The following PTPRM variants were observed in gnomAD, a reference collection of about 807,000 sequenced individuals.
The protein encoded by PTPRM is protein tyrosine phosphatase receptor type M.
In PTPRM, 47 loss-of-function variants were observed where a neutral mutation model predicts 186.7. The observed-to-expected ratio is 0.25, with a 90% CI of 0.20 to 0.32. The LOEUF (loss-of-function observed/expected upper bound fraction) is 0.32. PTPRM is among the 10% of genes least tolerant of loss of function. The pLI is 1.00. For missense variants in PTPRM, 1,494 were observed against 1,865.0 expected (o/e 0.80, Z 3.66); for synonymous variants, 668 against 674.9 (o/e 0.99, Z 0.16).
At chr18:8,247,951 T>C in intron 16 of PTPRM, 32 bp downstream of exon 16, 1 of 1,513,884 alleles carries the variant, frequency 6.6e-7, no homozygotes, top group Non-Finnish European at 9.2e-7. Context: ...TCCTCTCTGC[T>C]CTCTCCTCAG....
chr18:8,108,366 C>G (rs1350242709), intron 11 of PTPRM, among the ~76,000 whole-genome samples: 2 of 152,074 alleles, frequency 1.3e-5, no homozygotes, highest in Non-Finnish European at 2.9e-5. Context: ...AACTTTTCTC[C>G]TTCTCTGTTC....
At chr18:7,628,515 T>C (rs1164800213) in intron 1 of PTPRM, among the ~76,000 whole-genome samples, 2 of 152,254 alleles carry the variant, frequency 1.3e-5, no homozygotes, top group Non-Finnish European at 1.5e-5. Context: ...GAATTAGATA[T>C]TTAAAAGATC....
chr18:8,146,050 G>T (rs569648364), intron 14 of PTPRM, among the ~76,000 whole-genome samples: 23 of 138,542 alleles, frequency 1.7e-4, no homozygotes, highest in Admixed American at 4.4e-4. Flanking sequence ...TTTTGAGATG[G>T]AGTTGTTTGC....
Position 8,223,116 on chromosome 18 carries a change from C to T in PTPRM, c.2301-20942C>T, listed in dbSNP as rs889590858. Among the ~76,000 whole-genome samples the T allele has an allele frequency of 3.3e-5, 5 of 152,020 alleles. No individual in the cohort carries two copies. In the East Asian group the frequency reaches 5.8e-4, roughly 18 times the overall value. ...GCACATGCCTGTAGTCTCAGCTACT[C>T]GAGAGGCTTAGGCAGGATAATTGCT... On this transcript the variant is annotated intron_variant, in intron 14 of 32. Transcript: ENST00000580170.
intron 29 of PTPRM, among the ~76,000 whole-genome samples, chr18:8,382,504 C>G (rs2095743329): frequency 6.6e-6 from 1 of 152,144 alleles, no homozygotes; most frequent in African/African-American, 2.4e-5. Flanking sequence ...AGAACATAAA[C>G]ATCACATGCT....
chr18:7,664,470 C>G (rs927940729), intron 1 of PTPRM, among the ~76,000 whole-genome samples: 1 of 152,332 alleles, frequency 6.6e-6, no homozygotes, highest in East Asian at 1.9e-4. Context: ...ATCCACGGCC[C>G]TAAGCTGGAG....
At chr18:7,878,040 T>C (rs1041893861) in intron 2 of PTPRM, among the ~76,000 whole-genome samples, 1 of 152,192 alleles carries the variant, frequency 6.6e-6, no homozygotes, top group Non-Finnish European at 1.5e-5. Context: ...AAGCATATAG[T>C]GTTGAAATGT....
chr18:8,238,700 G>T (rs1211387660), intron 14 of PTPRM, among the ~76,000 whole-genome samples: 4 of 117,938 alleles, frequency 3.4e-5, no homozygotes, highest in African/African-American at 1.3e-4. Flanking sequence ...GCTACACATG[G>T]TGTATTGAGT....
At chr18:8,186,154 C>T (rs1290147895) in intron 14 of PTPRM, among the ~76,000 whole-genome samples, 2 of 151,772 alleles carry the variant, frequency 1.3e-5, no homozygotes, top group South Asian at 2.1e-4. Context: ...GGTGAAACCC[C>T]GTCTCTAATA....
intron 8 of PTPRM, 51 bp from the exon 9 acceptor site, chr18:8,076,404 C>G: frequency 8.8e-7 from 1 of 1,132,188 alleles, no homozygotes; most frequent in Non-Finnish European, 1.3e-6. Context: ...GAAAAATCTA[C>G]TTTTTAATTG....
At chr18:8,288,360 G>C (rs2094981456) in intron 19 of PTPRM, among the ~76,000 whole-genome samples, 1 of 152,206 alleles carries the variant, frequency 6.6e-6, no homozygotes, top group South Asian at 2.1e-4. Context: ...CCAGATAAGG[G>C]GGAGCCCCAG....
chr18:8,032,388 T>C (rs2086038275), intron 7 of PTPRM, among the ~76,000 whole-genome samples: 1 of 152,184 alleles, frequency 6.6e-6, no homozygotes, highest in Admixed American at 6.5e-5. Context: ...CCACTGCTAT[T>C]CCTAGCTTTC....
chr18:7,772,664 G>A (rs972194307), intron 1 of PTPRM, among the ~76,000 whole-genome samples: 5 of 152,026 alleles, frequency 3.3e-5, no homozygotes, highest in Non-Finnish European at 7.3e-5. Context: ...GGCTGGCTGG[G>A]AAGTTGTACA....
intron 17 of PTPRM, among the ~76,000 whole-genome samples, chr18:8,248,664 C>A (rs572224860): frequency 3.0e-4 from 45 of 152,304 alleles, no homozygotes; most frequent in African/African-American, 1.0e-3. Context: ...AAAATGATCA[C>A]AATGGACTTC....
chr18:8,337,375 T>C (rs1173589661), intron 22 of PTPRM, among the ~76,000 whole-genome samples: 1 of 152,154 alleles, frequency 6.6e-6, no homozygotes, highest in South Asian at 2.1e-4. Flanking sequence ...GGGCTGTTCT[T>C]ATCTTATCTC....
intron 14 of PTPRM, among the ~76,000 whole-genome samples, chr18:8,215,650 C>T (rs567969173): frequency 4.4e-4 from 66 of 150,626 alleles, no homozygotes; most frequent in African/African-American, 9.3e-4. Flanking sequence ...TCAAGTGATC[C>T]TCTCATCTCA....
intron 23 of PTPRM, among the ~76,000 whole-genome samples, chr18:8,352,966 G>A (rs556538233): frequency 5.8e-4 from 88 of 152,120 alleles, no homozygotes; most frequent in Admixed American, 2.3e-3. Flanking sequence ...CACCCCACCC[G>A]GCCCGATTTC....
At chr18:7,802,754 C>T (rs558910227) in intron 2 of PTPRM, among the ~76,000 whole-genome samples, 1 of 152,258 alleles carries the variant, frequency 6.6e-6, no homozygotes, top group African/African-American at 2.4e-5. Context: ...GAAAGTATGA[C>T]ATCTTTTTAT....
At chr18:8,016,744 C>T (rs942502204) in intron 7 of PTPRM, among the ~76,000 whole-genome samples, 1 of 152,080 alleles carries the variant, frequency 6.6e-6, no homozygotes. Flanking sequence ...AGATCATTAA[C>T]ATTGCTGTTG....
Sources: allele counts gnomAD v4.1 joint callset (sites outside exome capture counted in the v4.1 genomes callset), GRCh38; gene constraint gnomAD v4.1.1; transcripts MANE v1.5; gene names NCBI Gene and HGNC (gene_info 2026-07-23, HGNC 2026-07-21).